The following ARHGAP24 variants were observed in gnomAD, a reference collection of about 807,000 sequenced individuals.
ARHGAP24 encodes the protein rho GTPase-activating protein 24.
Under a neutral mutation model 76.4 loss-of-function variants are expected in ARHGAP24, and 50 were observed. The observed-to-expected ratio is 0.65, with a 90% CI of 0.52 to 0.83. The LOEUF (loss-of-function observed/expected upper bound fraction) is 0.83. ARHGAP24 is among the 40% of genes least tolerant of loss of function. The pLI is 0.00. For missense variants in ARHGAP24, 930 were observed against 914.2 expected (o/e 1.02, Z -0.22); for synonymous variants, 345 against 323.3 (o/e 1.07, Z -0.72).
chr4:85,625,668 G>A (rs1720919378), intron 2 of ARHGAP24, among the ~76,000 whole-genome samples: 1 of 152,142 alleles, frequency 6.6e-6, no homozygotes, highest in Non-Finnish European at 1.5e-5. Flanking sequence ...GTTGACAGTG[G>A]AGTGTTAAAA....
intron 3 of ARHGAP24, among the ~76,000 whole-genome samples, chr4:85,915,050 A>G (rs1735301438): frequency 6.6e-6 from 1 of 152,234 alleles, no homozygotes; most frequent in Admixed American, 6.5e-5. Flanking sequence ...TATTTCTTGG[A>G]AGATTCTATC....
At chr4:85,524,888 G>A (rs1724919595) in intron 1 of ARHGAP24, among the ~76,000 whole-genome samples, 1 of 152,098 alleles carries the variant, frequency 6.6e-6, no homozygotes, top group African/African-American at 2.4e-5. Context: ...AGCATGTTAG[G>A]CAGCAGACTA....
At chr4:85,532,429 C>G (rs59381297) in intron 1 of ARHGAP24, among the ~76,000 whole-genome samples, 14,401 of 152,090 alleles carry the variant, frequency 0.095, 752 homozygotes, top group Middle Eastern at 0.12. Context: ...AATTTCTGAA[C>G]ATTATTTTTA....
At chr4:85,589,841 A>G (rs941943601) in intron 2 of ARHGAP24, among the ~76,000 whole-genome samples, 3 of 152,238 alleles carry the variant, frequency 2.0e-5, no homozygotes, top group Admixed American at 2.0e-4. Context: ...AAAATAAAAT[A>G]TGGATTTTTT....
intron 9 of ARHGAP24, among the ~76,000 whole-genome samples, chr4:85,999,087 T>G (rs1740853697): frequency 1.3e-5 from 2 of 152,248 alleles, no homozygotes; most frequent in Non-Finnish European, 2.9e-5. Flanking sequence ...TGTATTCAAC[T>G]TAGTCCTTTT....
chr4:85,846,242 T>G (rs1730873905), intron 3 of ARHGAP24, among the ~76,000 whole-genome samples: 1 of 152,148 alleles, frequency 6.6e-6, no homozygotes, highest in Non-Finnish European at 1.5e-5. Context: ...CCACCTATTA[T>G]GTTATTTTCA....
chr4:85,942,061 T>A lies in ARHGAP24; in HGVS notation c.392-5T>A. Reference sequence around the variant, plus strand: ...CCAAGTTTACTGTGATCCTTTTTTTTTAAGGCATTTTTGGACAGAAACTGG... The same window carrying A: ...CCAAGTTTACTGTGATCCTTTTTTTATAAGGCATTTTTGGACAGAAACTGG... On this transcript the variant is annotated splice_region_variant and splice_polypyrimidine_tract_variant and intron_variant, in intron 4 of 9. Transcript: ENST00000395184. 6.2e-7 allele frequency: 1 copy of A among 1,613,434 alleles called. No individual in the cohort carries two copies. Among genetic ancestry groups the A allele is most frequent in the Non-Finnish European group, 8.5e-7 (1 of 1,179,864 alleles).
intron 5 of ARHGAP24, among the ~76,000 whole-genome samples, chr4:85,946,722 A>T (rs537032174): frequency 3.3e-5 from 5 of 152,270 alleles, no homozygotes; most frequent in African/African-American, 9.6e-5. Context: ...TGCTTTACCC[A>T]GTCCACCATC....
chr4:85,751,666 C>G lies in ARHGAP24; in HGVS notation c.268+29694C>G, dbSNP rs182216576. ...GAGAAAACAGTGTGGATTGTAAACA[C>G]TACAAAAGCATGGTTTCCTGTTAAC... On this transcript the variant is annotated intron_variant, in intron 3 of 9. Coordinates refer to ENST00000395184, the MANE Select transcript of ARHGAP24 (RefSeq NM_001025616.3). Among the ~76,000 whole-genome samples, 7 of 152,296 alleles carry G rather than the reference C, an allele frequency of 4.6e-5. No homozygotes were observed. The East Asian group carries it at 1.4e-3, about 29-fold the overall frequency.
intron 2 of ARHGAP24, among the ~76,000 whole-genome samples, chr4:85,628,974 TTA>T (rs1177883849): frequency 6.6e-6 from 1 of 152,214 alleles, no homozygotes; most frequent in Non-Finnish European, 1.5e-5. Context: ...TTTAATTCAT[TTA>T]TATTTGAATT....
At chr4:85,963,353 C>T (rs1488740633) in intron 5 of ARHGAP24, among the ~76,000 whole-genome samples, 1 of 152,096 alleles carries the variant, frequency 6.6e-6, no homozygotes, top group Middle Eastern at 3.4e-3. Flanking sequence ...GGTCTAAAAT[C>T]AGTAAAGCTG....
chr4:85,734,122 T>TA (rs1312962971), intron 3 of ARHGAP24, among the ~76,000 whole-genome samples: 1 of 152,060 alleles, frequency 6.6e-6, no homozygotes, highest in Non-Finnish European at 1.5e-5. Context: ...CCACAAATAT[T>TA]AAAAAAGCTG....
chr4:85,577,487 TGTTA>T (rs2109968871), intron 2 of ARHGAP24, among the ~76,000 whole-genome samples: 1 of 152,270 alleles, frequency 6.6e-6, no homozygotes, highest in African/African-American at 2.4e-5. Context: ...GTTCACATTT[TGTTA>T]GTTAGATAGT....
chr4:85,596,959 T>A (rs1719858676), intron 2 of ARHGAP24, among the ~76,000 whole-genome samples: 1 of 152,098 alleles, frequency 6.6e-6, no homozygotes, highest in Middle Eastern at 3.2e-3. Flanking sequence ...TAAAAACATA[T>A]AAATCCATCG....
chr4:85,709,284 A>G (rs1425246430), intron 2 of ARHGAP24, among the ~76,000 whole-genome samples: 1 of 152,166 alleles, frequency 6.6e-6, no homozygotes, highest in Non-Finnish European at 1.5e-5. Context: ...TTATATAGAT[A>G]TAGTATCTGC....
Position 85,703,762 on chromosome 4 carries a change from C to T in ARHGAP24, c.181-18123C>T, listed in dbSNP as rs1724192349. Among the ~76,000 whole-genome samples the T allele has an allele frequency of 2.6e-5, 4 of 152,060 alleles. No individual in the cohort carries two copies. The South Asian group carries it at 8.3e-4, about 32-fold the overall frequency. On this transcript the variant is annotated intron_variant, in intron 2 of 9. Coordinates refer to ENST00000395184, the MANE Select transcript of ARHGAP24 (RefSeq NM_001025616.3). ...GTCTGTGGTAGGCTGTTATAGCAGCCCAAACAGACTAAGGCACTCTCCAAC... is the reference window on the plus strand; with the variant it reads ...GTCTGTGGTAGGCTGTTATAGCAGCTCAAACAGACTAAGGCACTCTCCAAC...
At position 86,000,711 on chromosome 4, in the gene ARHGAP24, T is replaced by C; in HGVS notation, c.2236T>C (p.Trp746Arg). The C allele has an allele frequency of 6.2e-7, 1 of 1,613,784 alleles. No individual in the cohort carries two copies. The highest frequency in any genetic ancestry group is 1.7e-5 in the Admixed American group (1 of 60,016). ...GAGAACCGAGAGAGGAAACACAATATGGATTCAGTGAGCCTGCTTTCGCCT... is the reference window on the plus strand; with the variant it reads ...GAGAACCGAGAGAGGAAACACAATACGGATTCAGTGAGCCTGCTTTCGCCT... The part of the protein sequence containing the change: ...PRRTERGNTI[W>R]IQ The change falls in exon 10 of 10, where the codon TGG becomes CGG. Residue 746 changes from tryptophan (W) to arginine (R), a missense_variant. Physicochemically the swap from Trp to Arg is moderately radical, Grantham distance 101. Transcript: ENST00000395184.
intron 3 of ARHGAP24, among the ~76,000 whole-genome samples, chr4:85,801,847 C>T (rs1728592980): frequency 6.6e-6 from 1 of 152,228 alleles, no homozygotes; most frequent in Non-Finnish European, 1.5e-5. Flanking sequence ...GGTGTATTTA[C>T]ATTATTCAAG....
At chr4:85,700,491 G>A (rs570117168) in intron 2 of ARHGAP24, among the ~76,000 whole-genome samples, 2 of 151,894 alleles carry the variant, frequency 1.3e-5, no homozygotes, top group Non-Finnish European at 2.9e-5. Context: ...AAAGTCAAAC[G>A]TAACTTCAAG....
Sources: gnomAD v4.1 joint callset for allele counts (sites outside exome capture counted in the v4.1 genomes callset) on GRCh38, gnomAD v4.1.1 for gene constraint, MANE v1.5 for transcripts, NCBI Gene and HGNC (gene_info 2026-07-23, HGNC 2026-07-21) for gene names.